Variants in ADCY7 observed in about 807,000 individuals in gnomAD.
ADCY7 encodes adenylate cyclase type 7.
A neutral mutation model predicts 120.6 loss-of-function variants in ADCY7; 72 were observed. The ratio of observed to expected loss-of-function variants is 0.60; its 90% CI spans 0.49 to 0.73. The LOEUF is 0.73. ADCY7 is among the 30% of genes least tolerant of loss of function. The pLI is 0.00. For synonymous variants in ADCY7, 661 were observed against 628.0 expected (o/e 1.05, Z -0.78); for missense variants, 1,227 against 1,486.0 (o/e 0.83, Z 2.87).
At chr16:50,262,825 C>G (rs560670864), upstream of ADCY7, among the ~76,000 whole-genome samples, 3 of 152,192 alleles carry the variant, frequency 2.0e-5, no homozygotes, top group African/African-American at 7.2e-5. Flanking sequence ...CAAGCAGAAA[C>G]CAGCCTTCCC....
At chr16:50,292,867 C>G in intron 5 of ADCY7, 42 bp downstream of exon 5, 1 of 1,596,542 alleles carries the variant, frequency 6.3e-7, no homozygotes, top group African/African-American at 1.3e-5. Flanking sequence ...CACCCCTGTC[C>G]TCTTCCTCTT....
chr16:50,311,958 A>G, intron 20 of ADCY7, 78 bp from the exon 21 acceptor site: 2 of 1,585,566 alleles, frequency 1.3e-6, no homozygotes, highest in South Asian at 1.1e-5. Context: ...AGGGACAGAC[A>G]GACCTGGCTA....
chr16:50,314,495 A>ATTATGAAAGGTT, intron 24 of ADCY7, 89 bp downstream of exon 24: 3 of 958,146 alleles, frequency 3.1e-6, no homozygotes, highest in Non-Finnish European at 4.9e-6. Context: ...CTCGCCATCT[A>ATTATGAAAGGTT]TTATGAAAGG....
chr16:50,305,607 C>A, intron 13 of ADCY7, 21 bp downstream of exon 13: 1 of 1,578,184 alleles, frequency 6.3e-7, no homozygotes, highest in Non-Finnish European at 8.6e-7. Flanking sequence ...AGACCTCTGT[C>A]CACCCCCCTC....
rs897763956 is a variant in ADCY7, at chr16:50,314,140, C to T, written c.2856+78C>T. ...CCTGTCACCTTACTTAAAGGGTGTG[C>T]CCTTATCTCGTCCTGGGGGAGGGGC... On this transcript the variant is annotated intron_variant, in intron 23 of 25. Transcript: ENST00000673801. 228 of 1,475,320 alleles carry T rather than the reference C, an allele frequency of 1.5e-4. No individual in the cohort carries two copies. In the African/African-American group the frequency reaches 2.7e-3, roughly 17 times the overall value. The allele number at this position is 1,475,320 out of a possible 1,614,324, so 91.4% of individuals were successfully genotyped here.
At chr16:50,294,163 G>T (rs911633766) in intron 6 of ADCY7, among the ~76,000 whole-genome samples, 10 of 152,200 alleles carry the variant, frequency 6.6e-5, no homozygotes, top group Non-Finnish European at 1.0e-4. Flanking sequence ...AAGTCTCAAT[G>T]TCCTGGAGCC....
At chr16:50,270,056 G>A (rs1567534852) in intron 1 of ADCY7, among the ~76,000 whole-genome samples, 1 of 152,262 alleles carries the variant, frequency 6.6e-6, no homozygotes, top group East Asian at 1.9e-4. Context: ...CCAGCATGGT[G>A]GTGCATGCCT....
chr16:50,258,521 TG>T (rs1182103380), intron 1 of ADCY7, among the ~76,000 whole-genome samples: 3 of 4,260 alleles, frequency 7.0e-4, no homozygotes, highest in African/African-American at 8.1e-4. Flanking sequence ...TGGAAATTTC[TG>T]GGAGGCACGT....
chr16:50,288,081 G>C lies in ADCY7; in HGVS notation c.-99G>C. 1 of 1,407,188 alleles carries C rather than the reference G, an allele frequency of 7.1e-7. No homozygotes were observed. The highest frequency in any genetic ancestry group is 1.5e-5 in the South Asian group (1 of 68,542). The allele number at this position is 1,407,188 out of a possible 1,614,324, so 87.2% of individuals were successfully genotyped here. A position where few individuals can be genotyped will look rare whatever the true frequency, so the allele number is the denominator to read the frequency against. ...GCTTGCCTGCCTCGGAGAGGACAGA[G>C]GCCTAGGCCCACGGGGGAGGGTGTT... On this transcript the variant is annotated 5_prime_UTR_variant, in exon 2 of 26. Coordinates refer to ENST00000673801, the MANE Select transcript of ADCY7 (RefSeq NM_001114.5).
chr16:50,256,304 C>T (rs2032916924), intron 1 of ADCY7, among the ~76,000 whole-genome samples: 1 of 152,086 alleles, frequency 6.6e-6, no homozygotes, highest in Non-Finnish European at 1.5e-5. Context: ...TGCAAATGAC[C>T]AACAGGTATA....
At chr16:50,280,033 C>T (rs527812924) in intron 1 of ADCY7, among the ~76,000 whole-genome samples, 2 of 152,018 alleles carry the variant, frequency 1.3e-5, no homozygotes, top group African/African-American at 2.4e-5. Context: ...AGCTCTTCTT[C>T]GTATATCTGG....
chr16:50,300,676 C>A, intron 8 of ADCY7, 39 bp from the exon 9 acceptor site: 1 of 1,548,730 alleles, frequency 6.5e-7, no homozygotes, highest in Non-Finnish European at 8.7e-7. Flanking sequence ...TGTCCCAGGG[C>A]TTAGGCAGGG....
At chr16:50,256,814 C>T (rs78769578) in intron 1 of ADCY7, among the ~76,000 whole-genome samples, 14,135 of 152,064 alleles carry the variant, frequency 0.093, 870 homozygotes, top group South Asian at 0.28. Context: ...CCCTTCCTTC[C>T]GCTTGTGGGT....
upstream of ADCY7, chr16:50,266,520 A>G: frequency 6.1e-6 from 1 of 163,472 alleles, no homozygotes; most frequent in South Asian, 1.3e-4. Flanking sequence ...CCGCTGCCGG[A>G]GCAGGAAGTG....
intron 21 of ADCY7, 89 bp from the exon 22 acceptor site, chr16:50,312,801 C>G: frequency 7.7e-7 from 1 of 1,292,324 alleles, no homozygotes; most frequent in East Asian, 3.2e-5. Context: ...CTGGGCAGTT[C>G]AGCAGTGCCA....
At chr16:50,274,785 G>C (rs1416838971) in intron 1 of ADCY7, among the ~76,000 whole-genome samples, 1 of 152,192 alleles carries the variant, frequency 6.6e-6, no homozygotes, top group East Asian at 1.9e-4. Context: ...TGACCTCTCT[G>C]TGACTGGCTT....
At chr16:50,287,427 C>A (rs1009552016) in intron 1 of ADCY7, among the ~76,000 whole-genome samples, 32 of 151,416 alleles carry the variant, frequency 2.1e-4, no homozygotes, top group African/African-American at 7.0e-4. Flanking sequence ...GTGGCTCATG[C>A]CTGTTATCCC....
At chr16:50,245,382 G>T (rs969716005), upstream of ADCY7, among the ~76,000 whole-genome samples, 9 of 152,170 alleles carry the variant, frequency 5.9e-5, no homozygotes, top group Admixed American at 2.0e-4. Context: ...ATTCATGGGG[G>T]TCTGCGAGTG....
At chr16:50,257,555 T>C (rs574571742) in intron 1 of ADCY7, among the ~76,000 whole-genome samples, 1 of 152,260 alleles carries the variant, frequency 6.6e-6, no homozygotes, top group South Asian at 2.1e-4. Context: ...CGTCACCTTG[T>C]ATCCCATAAA....
Sources: gnomAD v4.1 joint callset for allele counts (sites outside exome capture counted in the v4.1 genomes callset) on GRCh38, gnomAD v4.1.1 for gene constraint, MANE v1.5 for transcripts, NCBI Gene and HGNC (gene_info 2026-07-23, HGNC 2026-07-21) for gene names.